FMNL2: variants seen among roughly 807,000 people sequenced by gnomAD.
FMNL2 encodes formin like 2.
In FMNL2, 51 loss-of-function variants were observed where a neutral mutation model predicts 130.2. That is an observed-to-expected ratio of 0.39 (90% CI 0.31 to 0.49). FMNL2 has a LOEUF of 0.49. FMNL2 is among the 20% of genes least tolerant of loss of function. The pLI, the probability that FMNL2 is intolerant of heterozygous loss-of-function variation, is 0.85. For synonymous variants in FMNL2, 465 were observed against 467.1 expected (o/e 1.00, Z 0.06); for missense variants, 977 against 1,316.2 (o/e 0.74, Z 3.99).
At chr2:152,433,242 T>C (rs1687588843) in intron 1 of FMNL2, among the ~76,000 whole-genome samples, 1 of 152,166 alleles carries the variant, frequency 6.6e-6, no homozygotes, top group Non-Finnish European at 1.5e-5. Flanking sequence ...AGAAAAAGAA[T>C]ATGAGAATAA....
chr2:152,377,365 C>T (rs11695776), intron 1 of FMNL2, among the ~76,000 whole-genome samples: 37,610 of 152,162 alleles, frequency 0.25, 5,652 homozygotes, highest in East Asian at 0.73. Context: ...ATAAGCATCT[C>T]ATCTTATTTT....
In FMNL2 at chr2:152,502,384, T is replaced by G. The variant is rs538869910; in HGVS notation, c.118-19559T>G. On this transcript the variant is annotated intron_variant, in intron 1 of 25. Transcript: ENST00000288670. Reference sequence around the variant, plus strand: ...AATATAAGAGGGATGGTCTCCAAGATAGGAAAAAATACCGCCTTTGGGCCG... The same window carrying G: ...AATATAAGAGGGATGGTCTCCAAGAGAGGAAAAAATACCGCCTTTGGGCCG... 2.1e-4 allele frequency among the ~76,000 whole-genome samples: 32 copies of G among 152,300 alleles called. No homozygotes were observed. The South Asian group carries it at 6.0e-3, about 29-fold the overall frequency.
At chr2:152,639,694 G>A (rs1364481147) in intron 23 of FMNL2, among the ~76,000 whole-genome samples, 2 of 152,154 alleles carry the variant, frequency 1.3e-5, no homozygotes, top group African/African-American at 4.8e-5. Flanking sequence ...GTGGGACAGA[G>A]ACTAAGAGAA....
In FMNL2 at chr2:152,405,847, A is replaced by G. The variant is rs116041800; in HGVS notation, c.117+70127A>G. On this transcript the variant is annotated intron_variant, in intron 1 of 25. Coordinates refer to ENST00000288670, the MANE Select transcript of FMNL2 (RefSeq NM_052905.4). The stretch of plus-strand genomic sequence containing the variant: ...ACTTGGCTGCCTTATTGGAAGTTCT[A>G]TCTATGCAGAATGATATTGATATGG... Among the ~76,000 whole-genome samples, 830 of 152,328 alleles carry G rather than the reference A, an allele frequency of 5.4e-3. 9 individuals are homozygous for G. The highest frequency in any genetic ancestry group is 0.018 in the African/African-American group (768 of 41,562).
Position 152,626,011 on chromosome 2 carries a change from TTTTTA to T in FMNL2, c.1962+464_1962+468del, listed in dbSNP as rs574623895. 3.5e-3 allele frequency among the ~76,000 whole-genome samples: 539 copies of T among 152,068 alleles called. 2 individuals are homozygous for T. The highest frequency in any genetic ancestry group is 9.9e-3 in the African/African-American group (413 of 41,528). On this transcript the variant is annotated intron_variant, in intron 16 of 25. Coordinates refer to ENST00000288670, the MANE Select transcript of FMNL2 (RefSeq NM_052905.4). The stretch of plus-strand genomic sequence containing the variant: ...ATCGGTAGTCTAATGTTCACTTATT[TTTTTA>T]TTTTATTTTATTTTTAAATTATTAT...
intron 1 of FMNL2, among the ~76,000 whole-genome samples, chr2:152,501,439 T>C (rs1691828215): frequency 6.6e-6 from 1 of 152,240 alleles, no homozygotes; most frequent in South Asian, 2.1e-4. Context: ...TGAGCTGATA[T>C]TGAGAGCTCC....
At chr2:152,589,285 A>G (rs923612496) in intron 9 of FMNL2, among the ~76,000 whole-genome samples, 2 of 151,766 alleles carry the variant, frequency 1.3e-5, no homozygotes, top group African/African-American at 4.8e-5. Flanking sequence ...CTCATCCTCT[A>G]TTTTAAATGT....
intron 1 of FMNL2, among the ~76,000 whole-genome samples, chr2:152,344,685 A>G (rs529145994): frequency 6.6e-6 from 1 of 152,358 alleles, no homozygotes; most frequent in African/African-American, 2.4e-5. Context: ...TAGAACAATC[A>G]ATAAATCAAT....
intron 1 of FMNL2, among the ~76,000 whole-genome samples, chr2:152,427,732 C>T (rs1310953493): frequency 1.3e-5 from 2 of 151,978 alleles, no homozygotes; most frequent in Non-Finnish European, 2.9e-5. Flanking sequence ...AAATTCTATC[C>T]CCCAGTATTA....
At chr2:152,525,200 T>C (rs567158292) in intron 2 of FMNL2, among the ~76,000 whole-genome samples, 1 of 152,232 alleles carries the variant, frequency 6.6e-6, no homozygotes, top group South Asian at 2.1e-4. Context: ...GAAGCAAAAA[T>C]TATAGTAGGT....
At chr2:152,558,313 AT>A (rs1695337814) in intron 4 of FMNL2, among the ~76,000 whole-genome samples, 1 of 152,076 alleles carries the variant, frequency 6.6e-6, no homozygotes, top group Non-Finnish European at 1.5e-5. Context: ...TTGAACTTGG[AT>A]TTGGAATCCC....
Position 152,588,692 on chromosome 2 carries a change from C to T in FMNL2, c.876+7643C>T, listed in dbSNP as rs144514150. On this transcript the variant is annotated intron_variant, in intron 9 of 25. Transcript: ENST00000288670. ...AAGCTTCAAGGACTTTAGTTTGCCC[C>T]GAATCTCCAGTTTTAAAGAGCTTAG... Among the ~76,000 whole-genome samples the T allele has an allele frequency of 1.1e-3, 165 of 151,930 alleles. 1 individual carries two copies. Among genetic ancestry groups the T allele is most frequent in the African/African-American group, 3.8e-3 (158 of 41,378 alleles).
chr2:152,579,047 G>T, intron 8 of FMNL2, 83 bp downstream of exon 8: 1 of 1,131,482 alleles, frequency 8.8e-7, no homozygotes, highest in Non-Finnish European at 1.3e-6. Flanking sequence ...GTTTGACTTT[G>T]GAAACTTTCA....
At position 152,636,486 on chromosome 2, in the gene FMNL2, A is replaced by G. The variant is rs1682615098; in HGVS notation, c.2740A>G (p.Lys914Glu). Residue 914 changes from lysine (K) to glutamate (E), a missense_variant, in exon 22 of 26, where the codon AAG (lysine) becomes GAG (glutamate). Physicochemically the swap from Lys to Glu is moderately conservative, Grantham distance 56. This residue lies in a region of FMNL2 where 689 missense variants were observed against 995.9 expected (regional missense o/e 0.69). Transcript: ENST00000288670. ...GCTCCAGAGGGGAATGGACTTGACC[A>G]AGAGAGAGTACACCATGCATGACCA... ...KELQRGMDLT[K>E]REYTMHDHNT... The G allele has an allele frequency of 1.2e-6, 2 of 1,611,454 alleles. No individual in the cohort carries two copies. Among genetic ancestry groups the G allele is most frequent in the Non-Finnish European group, 1.7e-6 (2 of 1,178,762 alleles).
chr2:152,489,489 A>C (rs1691020300), intron 1 of FMNL2, among the ~76,000 whole-genome samples: 1 of 152,212 alleles, frequency 6.6e-6, no homozygotes, highest in South Asian at 2.1e-4. Context: ...TAGCTCAGGA[A>C]ACGTTGTTGT....
chr2:152,572,987 T>C (rs1696266024), intron 6 of FMNL2, among the ~76,000 whole-genome samples: 1 of 152,186 alleles, frequency 6.6e-6, no homozygotes, highest in Non-Finnish European at 1.5e-5. Context: ...TTGAGTCCTT[T>C]GAAAGTAAAT....
chr2:152,561,080 G>A, intron 6 of FMNL2, 45 bp downstream of exon 6: 6 of 1,533,820 alleles, frequency 3.9e-6, no homozygotes, highest in Non-Finnish European at 4.4e-6. Flanking sequence ...GATGCACTGG[G>A]ACAGCAGGCT....
chr2:152,507,335 T>A (rs919737795), intron 1 of FMNL2, among the ~76,000 whole-genome samples: 1 of 152,242 alleles, frequency 6.6e-6, no homozygotes, highest in South Asian at 2.1e-4. Flanking sequence ...GAAACTAAGA[T>A]GCTCCAGCAC....
intron 9 of FMNL2, among the ~76,000 whole-genome samples, chr2:152,605,041 A>G (rs1228115715): frequency 6.6e-6 from 1 of 152,030 alleles, no homozygotes; most frequent in South Asian, 2.1e-4. Flanking sequence ...GTCATAGTCT[A>G]GGGAGCTGGG....
Sources: allele counts gnomAD v4.1 joint callset (sites outside exome capture counted in the v4.1 genomes callset), GRCh38; gene constraint gnomAD v4.1.1; regional missense constraint gnomAD v4.1.1; transcripts MANE v1.5; gene names NCBI Gene and HGNC (gene_info 2026-07-23, HGNC 2026-07-21).